The following NNT variants were observed in gnomAD, a reference collection of about 807,000 sequenced individuals.
NNT encodes NAD(P) transhydrogenase, mitochondrial.
In NNT, 50 loss-of-function variants were observed where a neutral mutation model predicts 104.8. The ratio of observed to expected loss-of-function variants is 0.48; its 90% confidence interval spans 0.38 to 0.60. The LOEUF (loss-of-function observed/expected upper bound fraction) is 0.60. Ranked by LOEUF, NNT falls within the 20% of genes least tolerant of loss-of-function variation. NNT has a pLI of 0.00. For synonymous variants in NNT, 461 were observed against 490.4 expected (o/e 0.94, Z 0.79); for missense variants, 1,131 against 1,330.7 (o/e 0.85, Z 2.33).
At position 43,707,187 on chromosome 5, in the gene NNT, C is replaced by T. The variant is rs1743117244; in HGVS notation, c.*2783C>T. ...TTGCTGAAATAAATGTGATCTTTCC[C>T]ATTAAAAAAATAAAGAAATTTTGGG... On this transcript the variant is annotated 3_prime_UTR_variant, in exon 22 of 22. Transcript: ENST00000344920. 1 of 150,670 alleles carries T rather than the reference C, an allele frequency of 6.6e-6. No homozygotes were observed. Among genetic ancestry groups the T allele is most frequent in the African/African-American group, 2.4e-5 (1 of 41,020 alleles). 9.3% of individuals were successfully genotyped at this position (150,670 alleles called of 1,614,324 possible).
intron 1 of NNT, among the ~76,000 whole-genome samples, chr5:43,603,955 G>A (rs998576360): frequency 1.3e-5 from 2 of 152,142 alleles, no homozygotes; most frequent in African/African-American, 4.8e-5. Context: ...CTCAACAGCC[G>A]GAATGACTAT....
intron 19 of NNT, among the ~76,000 whole-genome samples, chr5:43,699,749 G>C (rs1009148582): frequency 6.6e-6 from 1 of 152,152 alleles, no homozygotes; most frequent in Non-Finnish European, 1.5e-5. Flanking sequence ...TTAATTCCAG[G>C]CTAGGTAAAT....
At chr5:43,666,911 C>G in intron 17 of NNT, 4 of 1,576,486 alleles carry the variant, frequency 2.5e-6, no homozygotes, top group Non-Finnish European at 8.6e-7. Flanking sequence ...CAGGCACAAA[C>G]ACGCTTCCCA....
chr5:43,649,436 T>G, intron 11 of NNT, 128 bp downstream of exon 11: 1 of 1,101,338 alleles, frequency 9.1e-7, no homozygotes, highest in Non-Finnish European at 1.3e-6. Flanking sequence ...TCATCTGCTT[T>G]GGTGATCTAA....
At chr5:43,694,230 G>A (rs944417035) in intron 19 of NNT, among the ~76,000 whole-genome samples, 1 of 152,186 alleles carries the variant, frequency 6.6e-6, no homozygotes, top group Admixed American at 6.5e-5. Context: ...TCCAGACAGG[G>A]ATGGTTTGAC....
At chr5:43,689,017 T>TA (rs1742125898) in intron 19 of NNT, among the ~76,000 whole-genome samples, 1 of 152,214 alleles carries the variant, frequency 6.6e-6, no homozygotes, top group African/African-American at 2.4e-5. Context: ...ACCAGCTGTG[T>TA]AAAAATGTTT....
At chr5:43,609,432 G>A (rs1387301399) in intron 2 of NNT, 86 bp downstream of exon 2, 2 of 1,305,170 alleles carry the variant, frequency 1.5e-6, no homozygotes, top group African/African-American at 2.9e-5. Context: ...GAAAAGCCAT[G>A]TAGTTTTATG....
Position 43,648,937 on chromosome 5 carries a change from T to TG in NNT, c.1445-203dup, listed in dbSNP as rs34142265. ...ATTACTAGATCTTTATAGCTTATTT[T>TG]GGGGGGGTGGTCAGAAAGTTGGGTT... On this transcript the variant is annotated intron_variant, in intron 10 of 21. Coordinates refer to ENST00000344920, the MANE Select transcript of NNT (RefSeq NM_182977.3). Among the ~76,000 whole-genome samples the TG allele has an allele frequency of 1.9e-3, 283 of 152,276 alleles. 2 individuals are homozygous for TG. The highest frequency in any genetic ancestry group is 6.5e-3 in the African/African-American group (271 of 41,552).
intron 17 of NNT, among the ~76,000 whole-genome samples, chr5:43,665,047 TG>T (rs1162723903): frequency 6.6e-6 from 1 of 152,056 alleles, no homozygotes; most frequent in African/African-American, 2.4e-5. Context: ...GAGGAAATAA[TG>T]GTTCCTTTTA....
At chr5:43,656,330 T>G (rs1740044644) in intron 15 of NNT, among the ~76,000 whole-genome samples, 1 of 152,162 alleles carries the variant, frequency 6.6e-6, no homozygotes, top group Non-Finnish European at 1.5e-5. Flanking sequence ...AAAAAATGCC[T>G]TAACAGTAAA....
intron 11 of NNT, among the ~76,000 whole-genome samples, chr5:43,650,139 A>T (rs988420275): frequency 5.9e-5 from 9 of 152,214 alleles, no homozygotes; most frequent in African/African-American, 1.4e-4. Flanking sequence ...AACCATAAGC[A>T]ATGTTGTCTA....
chr5:43,650,398 T>C lies in NNT; in HGVS notation c.1607-79T>C, dbSNP rs1739692913. ...GAACTTTACCCTCTATGAATCTATG[T>C]ATGTGAGGTACTTCAGCTATGATAT... On this transcript the variant is annotated intron_variant, in intron 11 of 21. Transcript: ENST00000344920. 3.1e-6 allele frequency: 3 copies of C among 980,542 alleles called. No individual in the cohort carries two copies. The Admixed American group carries it at 5.2e-5, about 17-fold the overall frequency. 60.7% of individuals were successfully genotyped at this position (980,542 alleles called of 1,614,324 possible).
Position 43,704,434 on chromosome 5 carries a change from T to C in NNT, c.*30T>C, listed in dbSNP as rs1269410935. 2.5e-6 allele frequency: 4 copies of C among 1,611,084 alleles called. No homozygotes were observed. On this transcript the variant is annotated 3_prime_UTR_variant, in exon 22 of 22. Transcript: ENST00000344920. Reference sequence around the variant, plus strand: ...TAAGGATCAAGCTGTTAGCTAATAATGCCACCTCTGCAGTTTTGGGAACAG... The same window carrying C: ...TAAGGATCAAGCTGTTAGCTAATAACGCCACCTCTGCAGTTTTGGGAACAG...
rs1339122870 is a variant in NNT at position 43,704,545 on chromosome 5, A to AG, written c.*141_*142insG. 1 of 769,744 alleles carries AG rather than the reference A, an allele frequency of 1.3e-6. No individual in the cohort carries two copies. The highest frequency in any genetic ancestry group is 2.0e-6 in the Non-Finnish European group (1 of 507,816). 47.7% of individuals were successfully genotyped at this position (769,744 alleles called of 1,614,324 possible). A position where few individuals can be genotyped will look rare whatever the true frequency, so the allele number is the denominator to read the frequency against. ...GAAGACTGAAGAAAGCAAAGCAAAA[A>AG]CTGTATAGAGAGATTTTTCAAAAGC... On this transcript the variant is annotated 3_prime_UTR_variant, in exon 22 of 22. Transcript: ENST00000344920.
intron 20 of NNT, among the ~76,000 whole-genome samples, chr5:43,701,955 A>G (rs1385165439): frequency 6.6e-6 from 1 of 151,500 alleles, no homozygotes; most frequent in Non-Finnish European, 1.5e-5. Flanking sequence ...ATTTTATTTT[A>G]TTTTATTTGC....
intron 5 of NNT, among the ~76,000 whole-genome samples, chr5:43,622,951 CT>C (rs1344629140): frequency 7.2e-6 from 1 of 138,102 alleles, no homozygotes; most frequent in Non-Finnish European, 1.6e-5. Context: ...CTTTTTCTTT[CT>C]TTCTTTTTTT....
intron 2 of NNT, among the ~76,000 whole-genome samples, 189 bp downstream of exon 2, chr5:43,609,535 C>T (rs572701337): frequency 2.0e-5 from 3 of 152,224 alleles, no homozygotes; most frequent in African/African-American, 7.2e-5. Context: ...ATTTCCAGCG[C>T]TAACAGAGAA....
chr5:43,644,808 TAA>T lies in NNT; in HGVS notation c.1290+8_1290+9del. 1 of 1,600,654 alleles carries T rather than the reference TAA, an allele frequency of 6.2e-7. No individual in the cohort carries two copies. The highest frequency in any genetic ancestry group is 8.5e-7 in the Non-Finnish European group (1 of 1,170,228). On this transcript the variant is annotated splice_region_variant and intron_variant, in intron 9 of 21. Coordinates refer to ENST00000344920, the MANE Select transcript of NNT (RefSeq NM_182977.3). ...GAGGAACTGTAGTGATGAAAGTAAGTAAAGAGATCTATTCCTTCCTTTGCTTT... is the reference window on the plus strand; with the variant it reads ...GAGGAACTGTAGTGATGAAAGTAAGTAGAGATCTATTCCTTCCTTTGCTTT...
intron 10 of NNT, 199 bp downstream of exon 10, chr5:43,645,709 A>ATATATATATT (rs1401026662): frequency 2.3e-5 from 1 of 44,290 alleles, no homozygotes; most frequent in East Asian, 5.5e-4. Flanking sequence ...ATATATATAT[A>ATATATATATT]TTTTTTTTTT....
Sources: gnomAD v4.1 joint callset for allele counts (sites outside exome capture counted in the v4.1 genomes callset) on GRCh38, gnomAD v4.1.1 for gene constraint, MANE v1.5 for transcripts, NCBI Gene and HGNC (gene_info 2026-07-23, HGNC 2026-07-21) for gene names.